Variants in TTC17 observed in about 807,000 individuals in gnomAD.
TTC17 encodes the protein tetratricopeptide repeat protein 17.
In TTC17, 58 loss-of-function variants were observed where a neutral mutation model predicts 143.8. That is an observed-to-expected ratio of 0.40 (90% CI 0.33 to 0.50). The LOEUF is 0.50. Among genes scored for constraint, TTC17 ranks in the 20% least tolerant of loss-of-function variants. TTC17 has a pLI of 0.49. For synonymous variants in TTC17, 501 were observed against 497.8 expected, an observed-to-expected ratio of 1.01 and a Z score of -0.09; for missense variants, 1,273 against 1,392.5, an observed-to-expected ratio of 0.91 and a Z score of 1.37.
chr11:43,449,415 C>T (rs1947614300), intron 19 of TTC17: 1 of 152,262 alleles, frequency 6.6e-6, no homozygotes, highest in South Asian at 2.1e-4. Context: ...CTACCCTCCT[C>T]CACCAGTGCA....
intron 1 of TTC17, among the ~76,000 whole-genome samples, chr11:43,377,706 C>T (rs1271523169): frequency 6.6e-6 from 1 of 152,144 alleles, no homozygotes; most frequent in Non-Finnish European, 1.5e-5. Flanking sequence ...AGTACTTCCT[C>T]ACAATTGAAT....
chr11:43,481,627 T>C (rs1386948452), intron 21 of TTC17, among the ~76,000 whole-genome samples: 1 of 152,184 alleles, frequency 6.6e-6, no homozygotes, highest in Non-Finnish European at 1.5e-5. Context: ...TCAAGGGATT[T>C]GTTTATTTCA....
chr11:43,359,818 C>T (rs749944484), intron 1 of TTC17, among the ~76,000 whole-genome samples: 1 of 152,214 alleles, frequency 6.6e-6, no homozygotes, highest in Admixed American at 6.5e-5. Flanking sequence ...GACCCAGCCT[C>T]GCATGGAGGA....
At chr11:43,421,145 G>C (rs574232817) in intron 16 of TTC17, among the ~76,000 whole-genome samples, 1 of 152,266 alleles carries the variant, frequency 6.6e-6, no homozygotes, top group Non-Finnish European at 1.5e-5. Flanking sequence ...TAGAAAGTGA[G>C]TGCTCAAGGG....
chr11:43,448,123 G>T lies in TTC17; in HGVS notation c.2786+1G>T. 1 of 1,613,966 alleles carries T rather than the reference G, an allele frequency of 6.2e-7. No homozygotes were observed. Among genetic ancestry groups the T allele is most frequent in the Non-Finnish European group, 8.5e-7 (1 of 1,179,908 alleles). Reference sequence around the variant, plus strand: ...TTGCAGTTTCTTCAAAAAACATTGAGTAAGTATGTTAAGCCTCTCCCTCCT... The same window carrying T: ...TTGCAGTTTCTTCAAAAAACATTGATTAAGTATGTTAAGCCTCTCCCTCCT... On this transcript the variant is annotated splice_donor_variant, in intron 19 of 23. Transcript: ENST00000039989. LOFTEE classifies it high-confidence loss of function.
chr11:43,451,375 G>A (rs1195447143), intron 21 of TTC17, 110 bp downstream of exon 21: 2 of 922,714 alleles, frequency 2.2e-6, no homozygotes, highest in African/African-American at 1.6e-5. Context: ...CTTAGCACTT[G>A]GTGGCTAAAA....
intron 10 of TTC17, 67 bp from the exon 11 acceptor site, chr11:43,403,931 A>T: frequency 7.2e-7 from 1 of 1,382,952 alleles, no homozygotes; most frequent in Non-Finnish European, 9.7e-7. Flanking sequence ...TTTTGGTGTG[A>T]GTTAAATTAT....
At chr11:43,417,847 C>T (rs952894157) in intron 16 of TTC17, among the ~76,000 whole-genome samples, 25 of 152,024 alleles carry the variant, frequency 1.6e-4, no homozygotes, top group Non-Finnish European at 5.9e-5. Context: ...AGCGAGACTC[C>T]GTCTCAAAAA....
chr11:43,416,409 C>A (rs1257934930), intron 16 of TTC17, among the ~76,000 whole-genome samples: 2 of 152,076 alleles, frequency 1.3e-5, no homozygotes, highest in African/African-American at 4.8e-5. Context: ...TCTAAAAAGT[C>A]TTCTCCTTAG....
At chr11:43,480,855 G>A (rs1310428681) in intron 21 of TTC17, among the ~76,000 whole-genome samples, 1 of 131,844 alleles carries the variant, frequency 7.6e-6, no homozygotes. Flanking sequence ...GTAAGAAGAG[G>A]ATGAGCCAAA....
intron 15 of TTC17, among the ~76,000 whole-genome samples, chr11:43,409,999 G>T (rs1858335352): frequency 6.6e-6 from 1 of 151,834 alleles, no homozygotes; most frequent in Non-Finnish European, 1.5e-5. Flanking sequence ...ATACCACCAT[G>T]CCCGGCTAAT....
At chr11:43,481,096 A>G (rs1359150623) in intron 21 of TTC17, among the ~76,000 whole-genome samples, 1 of 152,204 alleles carries the variant, frequency 6.6e-6, no homozygotes, top group East Asian at 1.9e-4. Flanking sequence ...TGAAAAACAT[A>G]TATTTCAAAA....
At chr11:43,387,908 C>T (rs1462162309) in intron 2 of TTC17, among the ~76,000 whole-genome samples, 1 of 152,082 alleles carries the variant, frequency 6.6e-6, no homozygotes, top group Admixed American at 6.6e-5. Flanking sequence ...TGTTTCATAC[C>T]TATTTGATTG....
At chr11:43,359,138 T>C (rs1855983564) in intron 1 of TTC17, 25 bp downstream of exon 1, 17 of 1,557,538 alleles carry the variant, frequency 1.1e-5, no homozygotes, top group Non-Finnish European at 1.2e-5. Flanking sequence ...GTCCCTCTTC[T>C]CCCGTGCCCG....
chr11:43,371,890 A>T (rs968674910), intron 1 of TTC17, among the ~76,000 whole-genome samples: 1 of 152,176 alleles, frequency 6.6e-6, no homozygotes, highest in African/African-American at 2.4e-5. Context: ...CACAAAAGAA[A>T]TACATATGGC....
chr11:43,425,039 A>G (rs915051670), intron 16 of TTC17, among the ~76,000 whole-genome samples: 3 of 152,212 alleles, frequency 2.0e-5, no homozygotes, highest in African/African-American at 7.2e-5. Flanking sequence ...AGTTCATTGC[A>G]TGTTGTCTAA....
intron 15 of TTC17, 125 bp downstream of exon 15, chr11:43,407,702 G>A (rs769685083): frequency 1.6e-5 from 14 of 899,842 alleles, no homozygotes; most frequent in Non-Finnish European, 2.3e-5. Flanking sequence ...AGTAGCGTTT[G>A]CATTATTTCA....
chr11:43,395,862 T>G (rs148133880), intron 5 of TTC17, among the ~76,000 whole-genome samples: 2 of 152,306 alleles, frequency 1.3e-5, no homozygotes, highest in African/African-American at 2.4e-5. Flanking sequence ...TAATATATTC[T>G]TTTGGAGTTT....
intron 13 of TTC17, among the ~76,000 whole-genome samples, chr11:43,406,306 A>G (rs1488839037): frequency 3.9e-5 from 6 of 152,196 alleles, no homozygotes; most frequent in Non-Finnish European, 8.8e-5. Context: ...AGAAGTGTAT[A>G]TAAATTGAAA....
Sources: gnomAD v4.1 joint callset for allele counts (sites outside exome capture counted in the v4.1 genomes callset) on GRCh38, gnomAD v4.1.1 for gene constraint, MANE v1.5 for transcripts, NCBI Gene and HGNC (gene_info 2026-07-23, HGNC 2026-07-21) for gene names.